DNAJC3: variants seen among roughly 807,000 people sequenced by gnomAD.
The protein encoded by DNAJC3 is dnaJ homolog subfamily C member 3.
Under a neutral mutation model 68.6 loss-of-function variants are expected in DNAJC3, and 38 were observed. The observed-to-expected ratio is 0.55, with a 90% CI of 0.43 to 0.73. The LOEUF (loss-of-function observed/expected upper bound fraction) is 0.73. Among genes scored for constraint, DNAJC3 ranks in the 30% least tolerant of loss-of-function variants. The pLI is 0.00. For synonymous variants in DNAJC3, 203 were observed against 204.0 expected (o/e 1.00, Z 0.04); for missense variants, 526 against 591.9 (o/e 0.89, Z 1.16).
intron 4 of DNAJC3, among the ~76,000 whole-genome samples, chr13:95,746,569 A>G (rs938891170): frequency 2.0e-5 from 3 of 152,202 alleles, no homozygotes; most frequent in Non-Finnish European, 4.4e-5. Context: ...TGTTATGCCT[A>G]TTTTATATTT....
intron 4 of DNAJC3, among the ~76,000 whole-genome samples, chr13:95,733,050 T>A (rs972071197): frequency 1.1e-4 from 17 of 152,226 alleles, no homozygotes; most frequent in Non-Finnish European, 2.9e-5. Flanking sequence ...TTTTATGGCC[T>A]AATATACGTC....
At chr13:95,693,978 C>T in intron 1 of DNAJC3, 1 of 152,128 alleles carries the variant, frequency 6.6e-6, no homozygotes, top group Non-Finnish European at 1.5e-5. Flanking sequence ...TAATTATCTA[C>T]TCTATTACCC....
intron 2 of DNAJC3, among the ~76,000 whole-genome samples, chr13:95,718,590 G>C (rs949933445): frequency 6.6e-6 from 1 of 152,078 alleles, no homozygotes; most frequent in Non-Finnish European, 1.5e-5. Context: ...TAGTAGAGAC[G>C]GTGTTTCACC....
chr13:95,679,435 A>G (rs1879858060), intron 1 of DNAJC3, among the ~76,000 whole-genome samples: 1 of 152,124 alleles, frequency 6.6e-6, no homozygotes, highest in Non-Finnish European at 1.5e-5. Context: ...AATAAATTAT[A>G]TAGAGGAGTT....
rs1245403496 is a variant in DNAJC3 at position 95,791,233 on chromosome 13, C to T, written c.*203C>T. The T allele has an allele frequency of 4.9e-6, 3 of 606,068 alleles. No homozygotes were observed. In the African/African-American group the frequency reaches 5.6e-5, roughly 11 times the overall value. The allele number at this position is 606,068 out of a possible 1,614,324, so 37.5% of individuals were successfully genotyped here. A position where few individuals can be genotyped will look rare whatever the true frequency, so the allele number is the denominator to read the frequency against. ...AACGGCAAGGAGGCAAGGAATGGTTCTATTTCTGACAGAGCAGCCTGCATC... is the reference window on the plus strand; with the variant it reads ...AACGGCAAGGAGGCAAGGAATGGTTTTATTTCTGACAGAGCAGCCTGCATC... On this transcript the variant is annotated 3_prime_UTR_variant, in exon 12 of 12. Coordinates refer to ENST00000602402, the MANE Select transcript of DNAJC3 (RefSeq NM_006260.5).
Position 95,791,603 on chromosome 13 carries a change from G to A in DNAJC3, c.*573G>A, listed in dbSNP as rs1364823684. The A allele has an allele frequency of 6.6e-6, 1 of 152,628 alleles. No individual in the cohort carries two copies. The highest frequency in any genetic ancestry group is 1.5e-5 in the Non-Finnish European group (1 of 68,418). The allele number at this position is 152,628 out of a possible 1,614,324, so 9.5% of individuals were successfully genotyped here. A position where few individuals can be genotyped will look rare whatever the true frequency, so the allele number is the denominator to read the frequency against. ...CGTGGCTGTCACTGAAGGAGCAAGA[G>A]ACCATCTTTTAGGAACCCTGCCACC... On this transcript the variant is annotated 3_prime_UTR_variant, in exon 12 of 12. Transcript: ENST00000602402.
chr13:95,707,893 T>C (rs1880810056), intron 1 of DNAJC3, among the ~76,000 whole-genome samples: 1 of 152,078 alleles, frequency 6.6e-6, no homozygotes, highest in African/African-American at 2.4e-5. Flanking sequence ...GGCTGGTCCA[T>C]AGTAATTGGG....
intron 9 of DNAJC3, among the ~76,000 whole-genome samples, chr13:95,764,541 G>T (rs1018712716): frequency 1.3e-5 from 2 of 148,688 alleles, no homozygotes; most frequent in Non-Finnish European, 3.0e-5. Flanking sequence ...AATAACAAGA[G>T]ATTCCTGCCA....
chr13:95,689,267 TG>T (rs1378355387), intron 1 of DNAJC3, among the ~76,000 whole-genome samples: 2 of 151,878 alleles, frequency 1.3e-5, no homozygotes, highest in Non-Finnish European at 2.9e-5. Context: ...AGGACTAATT[TG>T]ATTTTATTGC....
intron 9 of DNAJC3, among the ~76,000 whole-genome samples, chr13:95,766,453 T>G (rs1882995696): frequency 6.6e-6 from 1 of 152,168 alleles, no homozygotes; most frequent in South Asian, 2.1e-4. Flanking sequence ...TTGGCAAAGT[T>G]TCTTTGAATA....
intron 4 of DNAJC3, chr13:95,744,896 A>G (rs904994819): frequency 3.3e-5 from 5 of 152,238 alleles, no homozygotes; most frequent in Admixed American, 6.5e-5. Context: ...AGCAAAAATC[A>G]AGACGTATTT....
chr13:95,768,515 T>C (rs1883071790), intron 9 of DNAJC3, among the ~76,000 whole-genome samples: 1 of 152,224 alleles, frequency 6.6e-6, no homozygotes, highest in Non-Finnish European at 1.5e-5. Flanking sequence ...TTGCTTTCTC[T>C]GGATGAAGGC....
At chr13:95,765,923 AAG>A (rs576477175) in intron 9 of DNAJC3, among the ~76,000 whole-genome samples, 8 of 151,968 alleles carry the variant, frequency 5.3e-5, no homozygotes, top group Non-Finnish European at 7.4e-5. Flanking sequence ...GAATTTATTA[AAG>A]AGAGAGAGAG....
intron 2 of DNAJC3, among the ~76,000 whole-genome samples, chr13:95,712,414 C>T (rs1881001530): frequency 6.8e-6 from 1 of 147,812 alleles, no homozygotes; most frequent in Non-Finnish European, 1.5e-5. Context: ...CGCTGTGTCA[C>T]CCAGGAAGCT....
At position 95,677,321 on chromosome 13, in the gene DNAJC3, G is replaced by A; in HGVS notation, c.66G>A (p.Val22=). 6.3e-7 allele frequency: 1 copy of A among 1,599,134 alleles called. No homozygotes were observed. Residue 22 remains valine (V), a synonymous_variant, in exon 1 of 12, where the codon GTG becomes GTA. Transcript: ENST00000602402. ...GSVFPFLLVL[V]DLQYEGAECG... ...TATTCCCCTTCCTGCTAGTCCTGGTGGATCTGCAGTACGAAGGTGAGTCCT... is the reference window on the plus strand; with the variant it reads ...TATTCCCCTTCCTGCTAGTCCTGGTAGATCTGCAGTACGAAGGTGAGTCCT...
chr13:95,693,202 A>G (rs1043525828), intron 1 of DNAJC3: 3 of 152,226 alleles, frequency 2.0e-5, no homozygotes, highest in Non-Finnish European at 4.4e-5. Flanking sequence ...AAGATATTCT[A>G]AAAATAGGAG....
chr13:95,734,689 T>C lies in DNAJC3; in HGVS notation c.393+9437T>C, dbSNP rs145731784. ...TGGTTACTTTATGGAGTTCTGTGTG[T>C]CATGTAAGCTTGTTTATTCTTTTTC... On this transcript the variant is annotated intron_variant, in intron 4 of 11. Transcript: ENST00000602402. 2.2e-3 allele frequency among the ~76,000 whole-genome samples: 329 copies of C among 152,274 alleles called. 5 individuals carry two copies. Among genetic ancestry groups the C allele is most frequent in the African/African-American group, 7.6e-3 (314 of 41,584 alleles).
chr13:95,786,280 A>C (rs1883599779), intron 10 of DNAJC3, among the ~76,000 whole-genome samples: 1 of 152,188 alleles, frequency 6.6e-6, no homozygotes, highest in Admixed American at 6.5e-5. Flanking sequence ...GCAACAACAG[A>C]ATTAGTAGTT....
rs944448620 is a variant in DNAJC3, at chr13:95,787,148, T to C, written c.1350T>C (p.Ser450=). ...IDIAAAKEVL[S]DPEMRKKFDD... ...TAGCAGCTGCTAAAGAAGTCCTCTC[T>C]GATCCAGGTATTATTAGCTTTTATT... Residue 450 remains serine (S), a synonymous_variant, in exon 11 of 12, where the codon TCT becomes TCC. Transcript: ENST00000602402. 6.2e-7 allele frequency: 1 copy of C among 1,609,858 alleles called. No individual in the cohort carries two copies. The highest frequency in any genetic ancestry group is 8.5e-7 in the Non-Finnish European group (1 of 1,179,014).
Sources: gnomAD v4.1 joint callset for allele counts (sites outside exome capture counted in the v4.1 genomes callset) on GRCh38, gnomAD v4.1.1 for gene constraint, MANE v1.5 for transcripts, NCBI Gene and HGNC (gene_info 2026-07-23, HGNC 2026-07-21) for gene names.